The following NME7 variants were observed in gnomAD, a reference collection of about 807,000 sequenced individuals.
NME7 encodes NME/NM23 family member 7.
A neutral mutation model predicts 49.1 loss-of-function variants in NME7; 41 were observed. The observed-to-expected ratio is 0.83, with a 90% CI of 0.65 to 1.08. The LOEUF (loss-of-function observed/expected upper bound fraction) is 1.08, where lower values mean the gene tolerates loss of function less well. NME7 is among the 50% of genes least tolerant of loss of function. The pLI is 0.00. For missense variants in NME7, 423 were observed against 463.4 expected (o/e 0.91, Z 0.80); for synonymous variants, 139 against 150.6 (o/e 0.92, Z 0.56).
intron 1 of NME7, among the ~76,000 whole-genome samples, chr1:169,350,289 A>AAGGAAGGAAGGAAGGAGC (rs1343344770): frequency 1.4e-3 from 29 of 20,636 alleles, no homozygotes; most frequent in African/African-American, 4.3e-3. Context: ...AAGGAAGGAA[A>AAGGAAGGAAGGAAGGAGC]GAGCCCTGCT....
At chr1:169,345,738 A>T (rs1652930562) in intron 1 of NME7, among the ~76,000 whole-genome samples, 1 of 152,146 alleles carries the variant, frequency 6.6e-6, no homozygotes, top group African/African-American at 2.4e-5. Flanking sequence ...CTACATATTG[A>T]CAGTGCTCAG....
intron 4 of NME7, among the ~76,000 whole-genome samples, chr1:169,304,816 T>C (rs1050175529): frequency 6.6e-6 from 1 of 152,130 alleles, no homozygotes; most frequent in African/African-American, 2.4e-5. Flanking sequence ...CTACTAACTG[T>C]AGAACAACAT....
At chr1:169,153,643 A>G (rs1005955750) in intron 11 of NME7, among the ~76,000 whole-genome samples, 1 of 147,950 alleles carries the variant, frequency 6.8e-6, no homozygotes, top group Non-Finnish European at 1.5e-5. Context: ...CTGGTGTTTA[A>G]TTTTATATTA....
chr1:169,187,949 C>CA (rs1399409255), intron 10 of NME7, among the ~76,000 whole-genome samples: 1 of 152,132 alleles, frequency 6.6e-6, no homozygotes, highest in Non-Finnish European at 1.5e-5. Context: ...CTGGTGGTGA[C>CA]AAAATCTCTC....
intron 11 of NME7, among the ~76,000 whole-genome samples, chr1:169,143,568 G>A (rs1571239945): frequency 2.0e-5 from 3 of 152,250 alleles, no homozygotes; most frequent in African/African-American, 4.8e-5. Flanking sequence ...TCTGATTAAT[G>A]TCTGCCTTCC....
intron 10 of NME7, among the ~76,000 whole-genome samples, chr1:169,227,896 AT>A (rs2101815160): frequency 6.6e-6 from 1 of 152,266 alleles, no homozygotes; most frequent in South Asian, 2.1e-4. Flanking sequence ...TAACAATGCA[AT>A]TGCCATATTG....
intron 7 of NME7, among the ~76,000 whole-genome samples, chr1:169,250,919 T>C (rs972161423): frequency 6.6e-6 from 1 of 152,122 alleles, no homozygotes; most frequent in Non-Finnish European, 1.5e-5. Context: ...GAGAATGTTC[T>C]GTGTGCTGAT....
chr1:169,234,356 A>G (rs1558000053), intron 9 of NME7, among the ~76,000 whole-genome samples: 1 of 152,124 alleles, frequency 6.6e-6, no homozygotes, highest in Non-Finnish European at 1.5e-5. Context: ...CTCAATATAT[A>G]TAATAAGTGT....
intron 9 of NME7, among the ~76,000 whole-genome samples, chr1:169,232,912 C>CTTTTTTTTTTTTTTT (rs10545228): frequency 6.8e-4 from 51 of 74,530 alleles, no homozygotes; most frequent in East Asian, 8.6e-4. Context: ...GTTTTCTTTT[C>CTTTTTTTTTTTTTTT]TTTTTTTTTT....
intron 10 of NME7, among the ~76,000 whole-genome samples, chr1:169,221,083 T>C (rs781755561): frequency 6.6e-6 from 1 of 152,210 alleles, no homozygotes; most frequent in Non-Finnish European, 1.5e-5. Context: ...TTTCCCTTTT[T>C]CTATTTCATC....
At chr1:169,225,327 T>C (rs1647282292) in intron 10 of NME7, among the ~76,000 whole-genome samples, 1 of 152,190 alleles carries the variant, frequency 6.6e-6, no homozygotes, top group Non-Finnish European at 1.5e-5. Flanking sequence ...CAGGCTGATC[T>C]TGAACTCCTG....
In NME7 at chr1:169,184,002, T is replaced by C. The variant is rs528933177; in HGVS notation, c.991-14448A>G. 8.5e-5 allele frequency among the ~76,000 whole-genome samples: 13 copies of C among 152,228 alleles called. No homozygotes were observed. In the East Asian group the frequency reaches 2.5e-3, roughly 29 times the overall value. On this transcript the variant is annotated intron_variant, in intron 10 of 11. Transcript: ENST00000367811. ...TTTCTCATGGTCACATTATAATAGCTTTTTTGAAAAGAAAAACTTTTTATT... is the reference window on the plus strand; with the variant it reads ...TTTCTCATGGTCACATTATAATAGCCTTTTTGAAAAGAAAAACTTTTTATT...
At chr1:169,317,130 A>C (rs1474152624) in intron 3 of NME7, among the ~76,000 whole-genome samples, 2 of 152,208 alleles carry the variant, frequency 1.3e-5, no homozygotes, top group African/African-American at 4.8e-5. Flanking sequence ...TTGAAAAAAA[A>C]CCTATATGTT....
chr1:169,326,164 C>T (rs1386069457), intron 1 of NME7, among the ~76,000 whole-genome samples: 2 of 152,110 alleles, frequency 1.3e-5, no homozygotes, highest in Non-Finnish European at 2.9e-5. Flanking sequence ...TTCCATTTAT[C>T]CATGTAGCCT....
At chr1:169,152,864 G>A (rs1658950798) in intron 11 of NME7, among the ~76,000 whole-genome samples, 1 of 152,028 alleles carries the variant, frequency 6.6e-6, no homozygotes, top group African/African-American at 2.4e-5. Flanking sequence ...AACCTTTGAT[G>A]GCTTCCAGTT....
intron 7 of NME7, among the ~76,000 whole-genome samples, chr1:169,257,895 G>T (rs1014044953): frequency 7.5e-6 from 1 of 133,726 alleles, no homozygotes; most frequent in Non-Finnish European, 1.8e-5. Context: ...TTTCTGCTGA[G>T]GAAATCTCTT....
chr1:169,332,673 T>C (rs914182982), intron 1 of NME7, among the ~76,000 whole-genome samples: 3 of 152,130 alleles, frequency 2.0e-5, no homozygotes, highest in African/African-American at 7.2e-5. Context: ...TCTGAATAGA[T>C]ATTTCTTAAA....
At chr1:169,248,851 T>A (rs1381221029) in intron 7 of NME7, among the ~76,000 whole-genome samples, 1 of 151,642 alleles carries the variant, frequency 6.6e-6, no homozygotes, top group Non-Finnish European at 1.5e-5. Flanking sequence ...CCTACTTTTA[T>A]ACCAGCACTA....
intron 5 of NME7, among the ~76,000 whole-genome samples, chr1:169,299,367 C>T (rs1185788066): frequency 1.3e-5 from 2 of 152,062 alleles, no homozygotes; most frequent in African/African-American, 4.8e-5. Flanking sequence ...AAAGTGTACG[C>T]ATCGGTTCTT....
Sources: allele counts gnomAD v4.1 joint callset (sites outside exome capture counted in the v4.1 genomes callset), GRCh38; gene constraint gnomAD v4.1.1; transcripts MANE v1.5; gene names NCBI Gene and HGNC (gene_info 2026-07-23, HGNC 2026-07-21).